Variants in IL1RL2 observed in about 807,000 individuals in gnomAD.
IL1RL2 encodes interleukin-1 receptor-like 2.
Under a neutral mutation model 66.8 loss-of-function variants are expected in IL1RL2, and 68 were observed. That is an observed-to-expected ratio of 1.02 (90% CI 0.84 to 1.25). The LOEUF is 1.25. Ranked by LOEUF, IL1RL2 falls within the 50% of genes most tolerant of loss-of-function variation. The pLI is 0.00. For missense variants in IL1RL2, 729 were observed against 709.3 expected, an observed-to-expected ratio of 1.03 and a Z score of -0.32; for synonymous variants, 305 against 264.6, an observed-to-expected ratio of 1.15 and a Z score of -1.48.
chr2:102,192,085 AAG>A lies in IL1RL2; in HGVS notation c.457_458del (p.Ser153LeufsTer10), dbSNP rs1687278385. Reference sequence around the variant, plus strand: ...TCTCACATGTCATCTGCACTTCCCGAAGAGTTGTGTTTTGGGTCCAATAAAGT... The same window carrying A: ...TCTCACATGTCATCTGCACTTCCCGAAGTTGTGTTTTGGGTCCAATAAAGT... Reference protein sequence around the residue: ...DSLTCHLHFPKSCVLGPIKWY... With the variant: ...DSLTCHLHFPXSCVLGPIKWY... On this transcript the variant is annotated frameshift_variant, in exon 4 of 12. Transcript: ENST00000264257. LOFTEE classifies it high-confidence loss of function. 1 of 1,600,654 alleles carries A rather than the reference AAG, an allele frequency of 6.2e-7. No individual in the cohort carries two copies. The highest frequency in any genetic ancestry group is 1.8e-5 in the Admixed American group (1 of 56,554).
chr2:102,191,823 A>G, intron 3 of IL1RL2, 102 bp from the exon 4 acceptor site: 2 of 796,438 alleles, frequency 2.5e-6, no homozygotes, highest in South Asian at 3.3e-5. Flanking sequence ...GAGGGTTTGC[A>G]CAGTGCTGTG....
chr2:102,193,333 T>C (rs1687395129), intron 4 of IL1RL2, among the ~76,000 whole-genome samples: 1 of 152,232 alleles, frequency 6.6e-6, no homozygotes, highest in Admixed American at 6.5e-5. Context: ...GAACAAAGTA[T>C]TCAACTTTGT....
At chr2:102,237,215 G>A (rs1674962544) in intron 11 of IL1RL2, among the ~76,000 whole-genome samples, 2 of 152,182 alleles carry the variant, frequency 1.3e-5, no homozygotes, top group Non-Finnish European at 2.9e-5. Context: ...AAGGGGGAAG[G>A]GTGCTGAGAT....
chr2:102,210,815 C>A (rs1689107160), intron 5 of IL1RL2, among the ~76,000 whole-genome samples: 1 of 152,094 alleles, frequency 6.6e-6, no homozygotes, highest in Admixed American at 6.5e-5. Flanking sequence ...CAGAGTAGGT[C>A]ATGGCCTGTA....
intron 6 of IL1RL2, among the ~76,000 whole-genome samples, chr2:102,213,164 T>A (rs747818517): frequency 6.6e-6 from 1 of 152,134 alleles, no homozygotes; most frequent in Non-Finnish European, 1.5e-5. Context: ...ATTGTTTCAG[T>A]TGTAGGGGGA....
intron 9 of IL1RL2, among the ~76,000 whole-genome samples, chr2:102,228,224 G>A (rs961216276): frequency 1.3e-5 from 2 of 152,174 alleles, no homozygotes; most frequent in African/African-American, 4.8e-5. Flanking sequence ...CTTTAACAGT[G>A]AGCTACTGAT....
intron 3 of IL1RL2, among the ~76,000 whole-genome samples, chr2:102,189,766 T>C (rs748283623): frequency 2.6e-5 from 4 of 152,134 alleles, no homozygotes; most frequent in Non-Finnish European, 5.9e-5. Context: ...TATAGGCGCT[T>C]GGCTATATCC....
chr2:102,200,063 G>A (rs1298138176), intron 4 of IL1RL2, among the ~76,000 whole-genome samples: 1 of 150,832 alleles, frequency 6.6e-6, no homozygotes, highest in East Asian at 2.0e-4. Context: ...AGGCTGGAGT[G>A]GGAGGATCCC....
intron 8 of IL1RL2, among the ~76,000 whole-genome samples, chr2:102,224,007 G>C (rs1039978293): frequency 6.6e-6 from 1 of 152,170 alleles, no homozygotes. Context: ...GGCACCAAAT[G>C]TGTTCTTAGT....
chr2:102,192,172 C>T, intron 4 of IL1RL2, 52 bp downstream of exon 4: 4 of 1,276,612 alleles, frequency 3.1e-6, no homozygotes, highest in Non-Finnish European at 4.3e-6. Context: ...TTAAAACCCA[C>T]TGTTTTTTAT....
chr2:102,199,732 A>G (rs1386303549), intron 4 of IL1RL2, among the ~76,000 whole-genome samples: 3 of 152,196 alleles, frequency 2.0e-5, no homozygotes, highest in East Asian at 1.9e-4. Flanking sequence ...GAAAGAAAGA[A>G]TGAACCCATC....
intron 5 of IL1RL2, among the ~76,000 whole-genome samples, chr2:102,210,186 G>A (rs1443609175): frequency 6.6e-6 from 1 of 152,074 alleles, no homozygotes; most frequent in African/African-American, 2.4e-5. Context: ...TTTTTTTCCA[G>A]ACTGAGGAAG....
intron 2 of IL1RL2, among the ~76,000 whole-genome samples, chr2:102,188,639 A>G (rs1253777233): frequency 6.6e-6 from 1 of 151,858 alleles, no homozygotes; most frequent in South Asian, 2.1e-4. Context: ...AAAGTGAACC[A>G]AATTTTTTTT....
At chr2:102,229,923 C>T (rs1041631620) in intron 9 of IL1RL2, among the ~76,000 whole-genome samples, 4 of 152,138 alleles carry the variant, frequency 2.6e-5, no homozygotes, top group Admixed American at 1.3e-4. Flanking sequence ...GGAACATTCG[C>T]AAAAGAGAGA....
At chr2:102,222,926 G>C (rs1486036388) in intron 8 of IL1RL2, among the ~76,000 whole-genome samples, 1 of 152,156 alleles carries the variant, frequency 6.6e-6, no homozygotes, top group Non-Finnish European at 1.5e-5. Context: ...GAATAATATA[G>C]ACTGAAGCTG....
intron 9 of IL1RL2, among the ~76,000 whole-genome samples, chr2:102,228,900 TC>T (rs1393047203): frequency 1.3e-5 from 2 of 152,244 alleles, no homozygotes; most frequent in African/African-American, 4.8e-5. Context: ...CAGGGAGTCC[TC>T]ATTTCAAAAG....
At chr2:102,226,818 A>T (rs575566054) in intron 9 of IL1RL2, among the ~76,000 whole-genome samples, 1 of 152,200 alleles carries the variant, frequency 6.6e-6, no homozygotes, top group Non-Finnish European at 1.5e-5. Flanking sequence ...AGAAACAAAG[A>T]AAGGGACAGT....
chr2:102,238,935 C>T (rs925185257), intron 11 of IL1RL2, among the ~76,000 whole-genome samples: 1 of 152,146 alleles, frequency 6.6e-6, no homozygotes, highest in African/African-American at 2.4e-5. Flanking sequence ...GACCTCAGAG[C>T]CCTGGCTCTT....
In IL1RL2 at chr2:102,234,951, T is replaced by C. The variant is rs761435720; in HGVS notation, c.1352T>C (p.Ile451Thr). 28 of 1,614,058 alleles carry C rather than the reference T, an allele frequency of 1.7e-5. No individual in the cohort carries two copies. Among genetic ancestry groups the C allele is most frequent in the South Asian group, 9.9e-5 (9 of 91,086 alleles). The stretch of plus-strand genomic sequence containing the variant: ...AAGCTGTGCAGGAGGCTGATTGTCA[T>C]TGTGGTCCCCGAATCGCTGGGCTTT... ...NVKLCRRLIV[I>T]VVPESLGFGL... The change falls in exon 11 of 12, where the codon ATT becomes ACT. Residue 451 changes from isoleucine (I) to threonine (T), a missense_variant. Ile to Thr is a moderately conservative substitution (Grantham distance 89, BLOSUM62 -1). Transcript: ENST00000264257.
Sources: allele counts gnomAD v4.1 joint callset (sites outside exome capture counted in the v4.1 genomes callset), GRCh38; gene constraint gnomAD v4.1.1; transcripts MANE v1.5; gene names NCBI Gene and HGNC (gene_info 2026-07-23, HGNC 2026-07-21).